The following ZNRF3 variants were observed in gnomAD, a reference collection of about 807,000 sequenced individuals.
ZNRF3 encodes zinc and ring finger 3.
In ZNRF3, 23 loss-of-function variants were observed where a neutral mutation model predicts 72.5. The ratio of observed to expected loss-of-function variants is 0.32; its 90% confidence interval spans 0.23 to 0.45. The LOEUF is 0.45. Among genes scored for constraint, ZNRF3 ranks in the 20% least tolerant of loss-of-function variants. ZNRF3 has a pLI of 1.00. For missense variants in ZNRF3, 1,169 were observed against 1,272.1 expected (o/e 0.92, Z 1.23); for synonymous variants, 610 against 545.3 (o/e 1.12, Z -1.65).
intron 8 of ZNRF3, among the ~76,000 whole-genome samples, chr22:29,052,276 T>C (rs921863326): frequency 2.0e-5 from 3 of 152,256 alleles, no homozygotes; most frequent in Admixed American, 6.5e-5. Context: ...CAATAACCTC[T>C]GACTGATCTG....
At chr22:28,956,977 G>C (rs2035273171) in intron 1 of ZNRF3, among the ~76,000 whole-genome samples, 1 of 152,186 alleles carries the variant, frequency 6.6e-6, no homozygotes. Context: ...AGCATATCTT[G>C]ATTTGTTAAG....
chr22:28,955,814 G>A lies in ZNRF3; in HGVS notation c.301-31262G>A, dbSNP rs190461205. Among the ~76,000 whole-genome samples, 1,373 of 152,046 alleles carry A rather than the reference G, an allele frequency of 9.0e-3. 18 individuals are homozygous for A. The highest frequency in any genetic ancestry group is 0.011 in the Non-Finnish European group (733 of 67,968). On this transcript the variant is annotated intron_variant, in intron 1 of 8. Transcript: ENST00000544604. ...CGTGCCTGTGGTTCCAGCTACTTGGGAGGCCTAGGTGGGATGATCACTTGA... is the reference window on the plus strand; with the variant it reads ...CGTGCCTGTGGTTCCAGCTACTTGGAAGGCCTAGGTGGGATGATCACTTGA...
chr22:28,905,726 A>G (rs752351642), intron 1 of ZNRF3, among the ~76,000 whole-genome samples: 1 of 152,166 alleles, frequency 6.6e-6, no homozygotes, highest in Non-Finnish European at 1.5e-5. Flanking sequence ...TGTGCCTCCT[A>G]TTAGGTGGAA....
chr22:28,966,590 C>T (rs2035464599), intron 1 of ZNRF3, among the ~76,000 whole-genome samples: 1 of 151,184 alleles, frequency 6.6e-6, no homozygotes, highest in Non-Finnish European at 1.5e-5. Context: ...TAGGCCTAGG[C>T]TAATGTGTGT....
chr22:28,955,790 G>A (rs532067557), intron 1 of ZNRF3, among the ~76,000 whole-genome samples: 1 of 151,560 alleles, frequency 6.6e-6, no homozygotes, highest in African/African-American at 2.4e-5. Context: ...ATGGTGGCTC[G>A]TGCCTGTGGT....
At chr22:28,887,769 C>G (rs1318025) in intron 1 of ZNRF3, among the ~76,000 whole-genome samples, 2 of 152,042 alleles carry the variant, frequency 1.3e-5, no homozygotes, top group Admixed American at 6.5e-5. Flanking sequence ...TATATTGATA[C>G]ATATTTCATC....
intron 4 of ZNRF3, among the ~76,000 whole-genome samples, chr22:29,044,447 A>C (rs2037022196): frequency 6.6e-6 from 1 of 152,178 alleles, no homozygotes; most frequent in Non-Finnish European, 1.5e-5. Flanking sequence ...TTGTCCTATA[A>C]ATGTGATTAT....
At chr22:28,953,263 C>A (rs919754900) in intron 1 of ZNRF3, among the ~76,000 whole-genome samples, 2 of 152,178 alleles carry the variant, frequency 1.3e-5, no homozygotes, top group Non-Finnish European at 2.9e-5. Flanking sequence ...CGTATCCTAG[C>A]CATACCCTTG....
intron 1 of ZNRF3, among the ~76,000 whole-genome samples, chr22:28,985,365 T>A (rs1178390280): frequency 6.6e-6 from 1 of 151,982 alleles, no homozygotes; most frequent in East Asian, 1.9e-4. Flanking sequence ...TAGCAACTCC[T>A]CCCCGGGCTT....
chr22:29,012,667 CTTACTTGTTAAA>C (rs2036366356), intron 2 of ZNRF3, among the ~76,000 whole-genome samples: 1 of 152,224 alleles, frequency 6.6e-6, no homozygotes, highest in South Asian at 2.1e-4. Flanking sequence ...GGGCCGTTAA[CTTACTTGTTAAA>C]TTCGCAGCTT....
intron 2 of ZNRF3, among the ~76,000 whole-genome samples, chr22:29,006,880 G>A (rs2036260480): frequency 6.6e-6 from 1 of 152,200 alleles, no homozygotes; most frequent in Non-Finnish European, 1.5e-5. Flanking sequence ...AGGAGCCGCA[G>A]CATCCCAAAG....
At chr22:29,022,776 C>T (rs73882432) in intron 2 of ZNRF3, among the ~76,000 whole-genome samples, 1,983 of 152,240 alleles carry the variant, frequency 0.013, 43 homozygotes, top group African/African-American at 0.045. Context: ...CTTTAATTTA[C>T]CCTTCTTTTC....
intron 1 of ZNRF3, among the ~76,000 whole-genome samples, chr22:28,939,424 C>G (rs183385665): frequency 6.6e-6 from 1 of 151,956 alleles, no homozygotes; most frequent in East Asian, 1.9e-4. Context: ...TTAGCATAAA[C>G]GTATAATCTC....
intron 1 of ZNRF3, among the ~76,000 whole-genome samples, chr22:28,894,862 T>A (rs2033960929): frequency 6.6e-6 from 1 of 151,978 alleles, no homozygotes; most frequent in Non-Finnish European, 1.5e-5. Context: ...AAAAATGGGC[T>A]CTTCTAAAAA....
intron 1 of ZNRF3, among the ~76,000 whole-genome samples, chr22:28,900,968 A>G (rs886937501): frequency 1.3e-5 from 2 of 151,972 alleles, no homozygotes; most frequent in Non-Finnish European, 2.9e-5. Flanking sequence ...AAAATTAGCC[A>G]GGTATGGTGG....
chr22:29,046,673 C>A, intron 5 of ZNRF3, 43 bp from the exon 6 acceptor site: 1 of 1,502,354 alleles, frequency 6.7e-7, no homozygotes, highest in South Asian at 1.4e-5. Context: ...CTGCCACTTT[C>A]ATACGTACTG....
intron 1 of ZNRF3, among the ~76,000 whole-genome samples, chr22:28,947,184 T>C (rs1005491010): frequency 2.0e-5 from 3 of 152,164 alleles, no homozygotes; most frequent in African/African-American, 7.2e-5. Flanking sequence ...TTTCTTCCAC[T>C]GATAACTTGC....
intron 2 of ZNRF3, among the ~76,000 whole-genome samples, chr22:29,033,095 A>C (rs575150285): frequency 2.6e-5 from 4 of 151,436 alleles, no homozygotes; most frequent in Non-Finnish European, 5.9e-5. Flanking sequence ...CAGGCCTGTA[A>C]TCCCAGCACT....
chr22:28,925,335 T>A (rs1263030989), intron 1 of ZNRF3, among the ~76,000 whole-genome samples: 1 of 152,200 alleles, frequency 6.6e-6, no homozygotes, highest in Non-Finnish European at 1.5e-5. Flanking sequence ...CAGATTTCTC[T>A]TCTCTCCACA....
Sources: allele counts gnomAD v4.1 joint callset (sites outside exome capture counted in the v4.1 genomes callset), GRCh38; gene constraint gnomAD v4.1.1; transcripts MANE v1.5; gene names NCBI Gene and HGNC (gene_info 2026-07-23, HGNC 2026-07-21).